Variants in MSR1 observed in about 807,000 individuals in gnomAD.
The protein encoded by MSR1 is macrophage scavenger receptor 1.
MSR1 carries 53 observed loss-of-function variants against 47.2 expected under a neutral mutation model. The ratio of observed to expected loss-of-function variants is 1.12; its 90% CI spans 0.90 to 1.41. MSR1 has a LOEUF of 1.41. MSR1 is among the 40% of genes most tolerant of loss of function. The pLI is 0.00. For missense variants in MSR1, 786 were observed against 546.9 expected (o/e 1.44, Z -4.36); for synonymous variants, 239 against 185.6 (o/e 1.29, Z -2.34).
chr8:16,188,957 AAC>A (rs555116252), intron 1 of MSR1, among the ~76,000 whole-genome samples: 1 of 82,428 alleles, frequency 1.2e-5, no homozygotes, highest in Non-Finnish European at 2.1e-5. Flanking sequence ...CTAATAATTC[AAC>A]ACACATACAT....
chr8:16,132,413 A>G (rs1800281993), intron 8 of MSR1, among the ~76,000 whole-genome samples: 1 of 152,122 alleles, frequency 6.6e-6, no homozygotes, highest in Admixed American at 6.6e-5. Flanking sequence ...TTTTCTAGAT[A>G]TAGAATCATG....
chr8:16,191,803 C>A (rs956642025), intron 1 of MSR1, among the ~76,000 whole-genome samples: 3 of 152,238 alleles, frequency 2.0e-5, no homozygotes, highest in Admixed American at 2.0e-4. Flanking sequence ...GTGCAAATGC[C>A]AACCTCCCAT....
intron 5 of MSR1, among the ~76,000 whole-genome samples, chr8:16,162,752 C>T (rs1194599374): frequency 6.6e-6 from 1 of 151,812 alleles, no homozygotes; most frequent in Non-Finnish European, 1.5e-5. Flanking sequence ...GGTTAACTTG[C>T]AGGTATCTGG....
intron 3 of MSR1, among the ~76,000 whole-genome samples, chr8:16,172,041 T>A (rs1422793474): frequency 6.6e-6 from 1 of 152,200 alleles, no homozygotes; most frequent in African/African-American, 2.4e-5. Flanking sequence ...CAGGTACCTA[T>A]ATGCCCAATA....
chr8:16,150,140 GTATATA>G (rs55913131), intron 7 of MSR1, 85 bp downstream of exon 7: 14,636 of 177,328 alleles, frequency 0.083, 685 homozygotes, highest in East Asian at 0.34. Flanking sequence ...GTGTGTGTGT[GTATATA>G]TATATATATA....
At chr8:16,169,011 T>G in intron 3 of MSR1, 141 bp from the exon 4 acceptor site, 1 of 818,026 alleles carries the variant, frequency 1.2e-6, no homozygotes, top group East Asian at 2.6e-5. Context: ...GAGTATTTTT[T>G]TTTAATCTAC....
rs976014814 is a variant in MSR1, at chr8:16,156,046, G to A, written c.818-902C>T. Reference sequence around the variant, plus strand: ...CCTAGCATGTCTTTAGAACTCAAAGGTAATCCTACCTAAACACCATGTTCC... The same window carrying A: ...CCTAGCATGTCTTTAGAACTCAAAGATAATCCTACCTAAACACCATGTTCC... On this transcript the variant is annotated intron_variant, in intron 5 of 9. Transcript: ENST00000262101. 4.6e-5 allele frequency among the ~76,000 whole-genome samples: 7 copies of A among 151,732 alleles called. No homozygotes were observed. The East Asian group carries it at 1.4e-3, about 29-fold the overall frequency.
At chr8:16,147,030 T>G (rs7827782) in intron 7 of MSR1, among the ~76,000 whole-genome samples, 5,048 of 152,170 alleles carry the variant, frequency 0.033, 282 homozygotes, top group African/African-American at 0.11. Context: ...AAACAATAAG[T>G]CTTTGAATGG....
At chr8:16,138,356 C>A (rs537019998) in intron 8 of MSR1, among the ~76,000 whole-genome samples, 1 of 152,236 alleles carries the variant, frequency 6.6e-6, no homozygotes, top group South Asian at 2.1e-4. Context: ...ACACAACAGA[C>A]GATTCACTAT....
intron 1 of MSR1, among the ~76,000 whole-genome samples, chr8:16,189,981 C>T (rs1306140159): frequency 1.5e-5 from 2 of 129,566 alleles, no homozygotes; most frequent in African/African-American, 6.0e-5. Flanking sequence ...ATGGTGTGAT[C>T]TCAGCTGACT....
chr8:16,186,404 G>C lies in MSR1; in HGVS notation c.-5+6194C>G, dbSNP rs370067. Reference sequence around the variant, plus strand: ...AGTCTTTATCTCTTGCCCATAGCTCGTCTCTCAACTACAAACCCATATATG... The same window carrying C: ...AGTCTTTATCTCTTGCCCATAGCTCCTCTCTCAACTACAAACCCATATATG... On this transcript the variant is annotated intron_variant, in intron 1 of 9. Transcript: ENST00000262101. The C allele has an allele frequency of 8.1e-4, 431 of 533,772 alleles. 1 individual carries two copies. Among genetic ancestry groups the C allele is most frequent in the African/African-American group, 7.2e-3 (381 of 53,052 alleles). 33.1% of individuals were successfully genotyped at this position (533,772 alleles called of 1,614,324 possible).
chr8:16,115,536 A>C (rs1172599348), intron 9 of MSR1, among the ~76,000 whole-genome samples: 1 of 152,234 alleles, frequency 6.6e-6, no homozygotes, highest in African/African-American at 2.4e-5. Flanking sequence ...GAAGTAGATC[A>C]TAAAACTTAC....
intron 1 of MSR1, chr8:16,186,199 G>C (rs1309977088): frequency 2.6e-6 from 4 of 1,535,336 alleles, no homozygotes; most frequent in East Asian, 2.4e-5. Context: ...ATTGCACTGA[G>C]ATAGCACATC....
chr8:16,110,263 T>G, intron 9 of MSR1, 45 bp from the exon 10 acceptor site: 1 of 1,606,642 alleles, frequency 6.2e-7, no homozygotes, highest in South Asian at 1.1e-5. Flanking sequence ...TAGAGTTTAG[T>G]GTTTCTCTTT....
chr8:16,183,745 T>C (rs1801910302), intron 1 of MSR1, among the ~76,000 whole-genome samples: 1 of 143,086 alleles, frequency 7.0e-6, no homozygotes, highest in Non-Finnish European at 1.5e-5. Flanking sequence ...ATATATAATA[T>C]AAATATATGT....
intron 2 of MSR1, among the ~76,000 whole-genome samples, chr8:16,177,581 C>T (rs1006921745): frequency 2.0e-5 from 3 of 151,956 alleles, no homozygotes; most frequent in African/African-American, 7.3e-5. Context: ...AATACAGGCA[C>T]CTACCACCCA....
chr8:16,188,242 C>A (rs918915989), intron 1 of MSR1, among the ~76,000 whole-genome samples: 7 of 151,966 alleles, frequency 4.6e-5, no homozygotes, highest in Admixed American at 3.3e-4. Flanking sequence ...TTGTTGGGAA[C>A]CATATACCTT....
intron 2 of MSR1, among the ~76,000 whole-genome samples, chr8:16,175,669 T>G (rs1019178070): frequency 6.6e-6 from 1 of 152,196 alleles, no homozygotes; most frequent in Non-Finnish European, 1.5e-5. Context: ...GACAATAAAA[T>G]TTTCTAAAGT....
intron 8 of MSR1, among the ~76,000 whole-genome samples, chr8:16,137,112 G>T (rs1800409117): frequency 6.6e-6 from 1 of 152,068 alleles, no homozygotes; most frequent in Non-Finnish European, 1.5e-5. Context: ...TGTTAAGGCT[G>T]AGCCCGTTAG....
Sources: allele counts gnomAD v4.1 joint callset (sites outside exome capture counted in the v4.1 genomes callset), GRCh38; gene constraint gnomAD v4.1.1; transcripts MANE v1.5; gene names NCBI Gene and HGNC (gene_info 2026-07-23, HGNC 2026-07-21).